Variants in ANTXR2 observed in about 807,000 individuals in gnomAD.
ANTXR2 encodes the protein anthrax toxin receptor 2.
A neutral mutation model predicts 73.7 loss-of-function variants in ANTXR2; 44 were observed. That is an observed-to-expected ratio of 0.60 (90% CI 0.47 to 0.77). The LOEUF (loss-of-function observed/expected upper bound fraction) is 0.77, where lower values mean the gene tolerates loss of function less well. ANTXR2 is among the 30% of genes least tolerant of loss of function. ANTXR2 has a pLI of 0.00. For missense variants in ANTXR2, 604 were observed against 592.5 expected, an observed-to-expected ratio of 1.02 and a Z score of -0.20; for synonymous variants, 217 against 205.9, an observed-to-expected ratio of 1.05 and a Z score of -0.46.
At chr4:80,037,440 A>G (rs1051741893) in intron 7 of ANTXR2, among the ~76,000 whole-genome samples, 8 of 152,172 alleles carry the variant, frequency 5.3e-5, no homozygotes, top group Non-Finnish European at 1.0e-4. Flanking sequence ...TTTCCAATAA[A>G]CTCAACTTTT....
chr4:79,976,470 C>A (rs1306388054), intron 16 of ANTXR2, among the ~76,000 whole-genome samples: 2 of 149,772 alleles, frequency 1.3e-5, no homozygotes, highest in East Asian at 3.9e-4. Context: ...CATGGCAACA[C>A]CCAGAAGTTA....
At chr4:79,934,840 CAA>C (rs11301737) in intron 16 of ANTXR2, among the ~76,000 whole-genome samples, 28 of 108,048 alleles carry the variant, frequency 2.6e-4, no homozygotes, top group South Asian at 2.0e-3. Flanking sequence ...AGTCAAGTTT[CAA>C]AAAAAAAAAA....
chr4:79,999,678 TTAAG>T (rs1428489081), intron 12 of ANTXR2, among the ~76,000 whole-genome samples: 1 of 152,058 alleles, frequency 6.6e-6, no homozygotes, highest in Non-Finnish European at 1.5e-5. Flanking sequence ...TATTAACTCA[TTAAG>T]TAATAAGCTC....
chr4:80,073,368 CAA>C (rs1417917823), upstream of ANTXR2: 2 of 152,252 alleles, frequency 1.3e-5, no homozygotes, highest in Admixed American at 6.5e-5. Flanking sequence ...TTTAGAAAAA[CAA>C]AAGTTATCTA....
intron 3 of ANTXR2, among the ~76,000 whole-genome samples, chr4:80,059,677 A>G (rs2110112997): frequency 6.6e-6 from 1 of 152,174 alleles, no homozygotes; most frequent in South Asian, 2.1e-4. Context: ...TTTTTAATGT[A>G]TGAAATTAGC....
At chr4:80,062,400 T>C (rs1482654370) in intron 3 of ANTXR2, among the ~76,000 whole-genome samples, 1 of 152,140 alleles carries the variant, frequency 6.6e-6, no homozygotes, top group Non-Finnish European at 1.5e-5. Context: ...ATTTTACCAC[T>C]TCCGTGTGCC....
chr4:80,035,131 C>T (rs747669193), intron 8 of ANTXR2, among the ~76,000 whole-genome samples: 10 of 152,100 alleles, frequency 6.6e-5, no homozygotes, highest in Non-Finnish European at 1.2e-4. Flanking sequence ...GTTTAATAAA[C>T]AACAGCTACT....
chr4:80,028,870 T>C (rs1234933717), intron 10 of ANTXR2, among the ~76,000 whole-genome samples: 1 of 152,132 alleles, frequency 6.6e-6, no homozygotes, highest in African/African-American at 2.4e-5. Flanking sequence ...AGGTCCAAAT[T>C]ACTTGCAACA....
At chr4:80,065,893 A>G (rs758174122) in intron 3 of ANTXR2, among the ~76,000 whole-genome samples, 74 of 152,216 alleles carry the variant, frequency 4.9e-4, no homozygotes, top group Non-Finnish European at 8.4e-4. Flanking sequence ...TTCCTCACAC[A>G]CTCTGATCTA....
intron 12 of ANTXR2, among the ~76,000 whole-genome samples, chr4:79,987,761 A>C (rs189060971): frequency 1.3e-5 from 2 of 152,340 alleles, no homozygotes; most frequent in Admixed American, 1.3e-4. Context: ...TCAGGCCAAC[A>C]GTGAAACTTT....
chr4:80,038,107 A>G (rs1560416621), intron 7 of ANTXR2, among the ~76,000 whole-genome samples: 1 of 152,164 alleles, frequency 6.6e-6, no homozygotes, highest in Admixed American at 6.5e-5. Flanking sequence ...TTGGCAATAG[A>G]AACCATTTCT....
chr4:80,005,388 A>G (rs1253132367), intron 12 of ANTXR2, among the ~76,000 whole-genome samples: 2 of 152,202 alleles, frequency 1.3e-5, no homozygotes, highest in Non-Finnish European at 1.5e-5. Context: ...TTCATTTTCT[A>G]TTAAAAAGTT....
intron 10 of ANTXR2, among the ~76,000 whole-genome samples, chr4:80,029,761 G>T (rs1207826655): frequency 6.6e-6 from 1 of 151,640 alleles, no homozygotes; most frequent in African/African-American, 2.4e-5. Context: ...TCTACATCAG[G>T]GGAAGAGCAA....
Position 80,069,444 on chromosome 4 carries a change from A to C in ANTXR2, c.288T>G (p.Thr96=). The part of the protein sequence containing the change: ...SSQATIILPL[T]GDRGKISKGL... Reference sequence around the variant, plus strand: ...AATGATAATGCACTAACCTGTCTCCAGTTAATGGCAAAATAATAGTTGCTT... The same window carrying C: ...AATGATAATGCACTAACCTGTCTCCCGTTAATGGCAAAATAATAGTTGCTT... Residue 96 remains threonine, a synonymous_variant, in exon 3 of 17, where the codon ACT becomes ACG. Coordinates refer to ENST00000403729, the MANE Select transcript of ANTXR2 (RefSeq NM_058172.6). The C allele has an allele frequency of 6.3e-7, 1 of 1,596,492 alleles. No homozygotes were observed. Among genetic ancestry groups the C allele is most frequent in the Non-Finnish European group, 8.6e-7 (1 of 1,167,224 alleles).
At position 80,072,885 on chromosome 4, in the gene ANTXR2, G is replaced by A. The variant is rs992878956; in HGVS notation, c.-325C>T. On this transcript the variant is annotated 5_prime_UTR_variant, in exon 1 of 17. Coordinates refer to ENST00000403729, the MANE Select transcript of ANTXR2 (RefSeq NM_058172.6). ...GGGCCCACGGCGACAGCTCGCGAAA[G>A]GAGTTCCTCTCCGGCCTGGGGCCGA... 2.9e-6 allele frequency: 1 copy of A among 344,490 alleles called. No homozygotes were observed. Among genetic ancestry groups the A allele is most frequent in the Non-Finnish European group, 4.6e-6 (1 of 215,276 alleles). The allele number at this position is 344,490 out of a possible 1,614,324, so 21.3% of individuals were successfully genotyped here.
intron 16 of ANTXR2, among the ~76,000 whole-genome samples, chr4:79,919,896 TATATATATATATATATATATATATAAAAA>T (rs1727517746): frequency 6.1e-5 from 1 of 16,370 alleles, no homozygotes; most frequent in African/African-American, 2.8e-4. Context: ...TATATATATA[TATATATATATATATATATATATATAAAAA>T]ATGATAGGGC....
At chr4:80,020,975 C>T (rs762502483) in intron 10 of ANTXR2, among the ~76,000 whole-genome samples, 25 of 151,382 alleles carry the variant, frequency 1.7e-4, no homozygotes, top group Non-Finnish European at 3.4e-4. Context: ...GGTGAAACCC[C>T]GTCTCTACTA....
At chr4:79,963,980 T>C (rs1039948003) in intron 16 of ANTXR2, among the ~76,000 whole-genome samples, 3 of 152,228 alleles carry the variant, frequency 2.0e-5, no homozygotes, top group Non-Finnish European at 1.5e-5. Context: ...TTAAAGTCAA[T>C]TCAATTTTGT....
At chr4:79,934,852 A>C (rs13112834) in intron 16 of ANTXR2, among the ~76,000 whole-genome samples, 4 of 152,074 alleles carry the variant, frequency 2.6e-5, no homozygotes, top group African/African-American at 7.2e-5. Context: ...AAAAAAAAAA[A>C]AAAACTGTCT....
Sources: gnomAD v4.1 joint callset for allele counts (sites outside exome capture counted in the v4.1 genomes callset) on GRCh38, gnomAD v4.1.1 for gene constraint, MANE v1.5 for transcripts, NCBI Gene and HGNC (gene_info 2026-07-23, HGNC 2026-07-21) for gene names.